INTS11: variants seen among roughly 807,000 people sequenced by gnomAD.
INTS11 encodes the protein CPSF3-like protein.
Under a neutral mutation model 78.6 loss-of-function variants are expected in INTS11, and 77 were observed. The observed-to-expected ratio is 0.98, with a 90% CI of 0.81 to 1.18. The LOEUF (loss-of-function observed/expected upper bound fraction) is 1.18. Ranked by LOEUF, INTS11 falls within the 50% of genes most tolerant of loss-of-function variation. The pLI is 0.00. For synonymous variants in INTS11, 441 were observed against 326.9 expected, an observed-to-expected ratio of 1.35 and a Z score of -3.77; for missense variants, 875 against 825.9, an observed-to-expected ratio of 1.06 and a Z score of -0.73.
chr1:1,318,747 C>T (rs1396947244), intron 4 of INTS11: 2 of 527,948 alleles, frequency 3.8e-6, no homozygotes, highest in African/African-American at 1.9e-5. Flanking sequence ...TACATAGGTA[C>T]CTAATATAGT....
rs74045438 is a variant in INTS11, at chr1:1,313,206, C to A, written c.1042-82G>T. On this transcript the variant is annotated intron_variant, in intron 10 of 16. Transcript: ENST00000435064. ...CTTGCCCGGGATGCCCCCGCCTGAA[C>A]CCCTGGAAGCTGTTTCCACCTGCCA... is the stretch of plus-strand genomic sequence containing the variant. 2.4e-3 allele frequency: 3,490 copies of A among 1,456,686 alleles called. 79 individuals are homozygous for A. The African/African-American group carries it at 0.044, about 18-fold the overall frequency. The allele number at this position is 1,456,686 out of a possible 1,614,324, so 90.2% of individuals were successfully genotyped here. A position where few individuals can be genotyped will look rare whatever the true frequency, so the allele number is the denominator to read the frequency against.
rs368160170 is a variant in INTS11 at position 1,322,752 on chromosome 1, C to CG, written c.29-1660dup. On this transcript the variant is annotated intron_variant, in intron 1 of 16. Coordinates refer to ENST00000435064, the MANE Select transcript of INTS11 (RefSeq NM_017871.6). The stretch of plus-strand genomic sequence containing the variant: ...GCAGGGTGGGTAGGGGGACCGGCGG[C>CG]GGGGGGGGTAGCCACACACAGGCCA... 985 of 227,560 alleles carry CG rather than the reference C, an allele frequency of 4.3e-3. 4 individuals carry two copies. The East Asian group carries it at 0.045, about 10-fold the overall frequency. 14.1% of individuals were successfully genotyped at this position (227,560 alleles called of 1,614,324 possible). A position where few individuals can be genotyped will look rare whatever the true frequency, so the allele number is the denominator to read the frequency against.
chr1:1,312,212 G>GCCCC lies in INTS11; in HGVS notation c.1607+13_1607+14insGGGG. The stretch of plus-strand genomic sequence containing the variant: ...GCCCAAGGGAGTGGGGGGGGGGCGG[G>GCCCC]GCCGGGCGCCCACCTCTTGAGGTGG... On this transcript the variant is annotated intron_variant, in intron 15 of 16. Coordinates refer to ENST00000435064, the MANE Select transcript of INTS11 (RefSeq NM_017871.6). 1.1e-6 allele frequency: 1 copy of GCCCC among 910,982 alleles called. No individual in the cohort carries two copies. Among genetic ancestry groups the GCCCC allele is most frequent in the East Asian group, 2.9e-5 (1 of 34,544 alleles). The allele number at this position is 910,982 out of a possible 1,614,324, so 56.4% of individuals were successfully genotyped here. A position where few individuals can be genotyped will look rare whatever the true frequency, so the allele number is the denominator to read the frequency against.
In INTS11 at chr1:1,313,537, C is replaced by CG; in HGVS notation, c.1012dup (p.Arg338ProfsTer135). On this transcript the variant is annotated frameshift_variant, in exon 10 of 17. Transcript: ENST00000435064. LOFTEE classifies it high-confidence loss of function. Reference sequence around the variant, plus strand: ...GTTCTTTTCGTTTCCGGCCCATTTCCGGAAGATCTGCAGGGACTGCCCAGC... The same window carrying CG: ...GTTCTTTTCGTTTCCGGCCCATTTCCGGGAAGATCTGCAGGGACTGCCCAGC... 6.2e-7 allele frequency: 1 copy of CG among 1,613,038 alleles called. No individual in the cohort carries two copies. Among genetic ancestry groups the CG allele is most frequent in the Non-Finnish European group, 8.5e-7 (1 of 1,180,020 alleles).
chr1:1,324,410 C>T (rs1304126646), intron 1 of INTS11, among the ~76,000 whole-genome samples, 171 bp downstream of exon 1: 1 of 152,154 alleles, frequency 6.6e-6, no homozygotes, highest in Non-Finnish European at 1.5e-5. Flanking sequence ...GCCCGGGGTG[C>T]AGGGACTAGG....
rs1418851288 is a variant in INTS11 at position 1,311,843 on chromosome 1, G to A, written c.*16C>T. 1.3e-6 allele frequency: 2 copies of A among 1,541,052 alleles called. No individual in the cohort carries two copies. The highest frequency in any genetic ancestry group is 8.7e-7 in the Non-Finnish European group (1 of 1,143,848). On this transcript the variant is annotated 3_prime_UTR_variant, in exon 17 of 17. Coordinates refer to ENST00000435064, the MANE Select transcript of INTS11 (RefSeq NM_017871.6). The stretch of plus-strand genomic sequence containing the variant: ...CTGGGAGAGGGCAGAGGTGGCGGCT[G>A]GGTGAGTTGCCGGCCTCAGCTGGGG...
At chr1:1,313,955 A>G (rs967645248) in intron 8 of INTS11, 34 bp from the exon 9 acceptor site, 9 of 1,597,222 alleles carry the variant, frequency 5.6e-6, no homozygotes, top group Non-Finnish European at 7.7e-6. Context: ...CACAGTGGCC[A>G]CAGGGGAGAA....
chr1:1,320,786 C>T (rs1187079673), intron 2 of INTS11: 10 of 713,824 alleles, frequency 1.4e-5, no homozygotes, highest in Middle Eastern at 2.3e-4. Context: ...TACAGGACCC[C>T]GGGGCTGGGG....
chr1:1,318,821 G>A, intron 4 of INTS11: 1 of 609,456 alleles, frequency 1.6e-6, no homozygotes, highest in Non-Finnish European at 3.0e-6. Flanking sequence ...CATAATCTTT[G>A]TCAGAAATGG....
At chr1:1,319,060 G>A in intron 4 of INTS11, 1 of 716,504 alleles carries the variant, frequency 1.4e-6, no homozygotes. Context: ...GGGTTCATAA[G>A]CCGGTGCATA....
Position 1,319,395 on chromosome 1 carries a change from G to A in INTS11, c.330C>T (p.Ile110=), listed in dbSNP as rs754876292. The A allele has an allele frequency of 4.3e-6, 7 of 1,613,250 alleles. No individual in the cohort carries two copies. The Admixed American group carries it at 5.0e-5, about 12-fold the overall frequency. ...CPILLEDYRK[I]AVDKKGEANF... ...TGGCCTCGCCCTTCTTGTCTACGGC[G>A]ATCTTGCGGTAGTCCTCCAGCAAGA... Residue 110 remains isoleucine (I), a synonymous_variant, in exon 4 of 17, where the codon ATC becomes ATT. Coordinates refer to ENST00000435064, the MANE Select transcript of INTS11 (RefSeq NM_017871.6).
Position 1,313,908 on chromosome 1 carries a change from G to C in INTS11, c.781C>G (p.Leu261Val), listed in dbSNP as rs147446122. The part of the protein sequence containing the change: ...LLETFWERMN[L>V]KVPIYFSTGL... ...GTGGAGAAGTAGATGGGCACCTTCA[G>C]GTTCATGCGCTCCCTGGGGACCACC... The change falls in exon 9 of 17, where the codon CTG (leucine) becomes GTG (valine). Residue 261 changes from leucine (L) to valine (V), a missense_variant. Leu to Val is a conservative substitution (Grantham distance 32, BLOSUM62 1). Transcript: ENST00000435064. 153 of 1,612,352 alleles carry C rather than the reference G, an allele frequency of 9.5e-5. No individual in the cohort carries two copies. Among genetic ancestry groups the C allele is most frequent in the Non-Finnish European group, 1.3e-4 (150 of 1,179,526 alleles).
intron 3 of INTS11, chr1:1,319,822 A>C: frequency 5.0e-6 from 2 of 398,586 alleles, no homozygotes; most frequent in South Asian, 6.3e-5. Context: ...CTTTTCAGGC[A>C]GTCAGGACAG....
chr1:1,323,279 G>C (rs1217302149), intron 1 of INTS11: 1 of 1,549,776 alleles, frequency 6.5e-7, no homozygotes, highest in East Asian at 2.4e-5. Flanking sequence ...GACAGCACAG[G>C]GCAGGCACCT....
chr1:1,315,636 G>A lies in INTS11; in HGVS notation c.430-18C>T, dbSNP rs1456662461. The A allele has an allele frequency of 1.9e-6, 3 of 1,594,638 alleles. No individual in the cohort carries two copies. The highest frequency in any genetic ancestry group is 1.1e-5 in the South Asian group (1 of 90,632). ...TCATCTACCTGTGGAGGACAGGGCT[G>A]CGCTCAGGCTGTGTCCTCACAGCAG... is the stretch of plus-strand genomic sequence containing the variant. On this transcript the variant is annotated intron_variant, in intron 4 of 16. Transcript: ENST00000435064.
chr1:1,311,898 T>A lies in INTS11; in HGVS notation c.1764A>T (p.Thr588=), dbSNP rs763983295. 1 of 1,573,578 alleles carries A rather than the reference T, an allele frequency of 6.4e-7. No individual in the cohort carries two copies. Among genetic ancestry groups the A allele is most frequent in the South Asian group, 1.2e-5 (1 of 86,566 alleles). Residue 588 remains threonine (T), a synonymous_variant, in exon 17 of 17, where the codon ACA becomes ACT. Coordinates refer to ENST00000435064, the MANE Select transcript of INTS11 (RefSeq NM_017871.6). Reference sequence around the variant, plus strand: ...GGGGGAGGCCCTTCTTCAGCAGAGATGTGAGGAAGCTCCCCAGCTCCTCGT... The same window carrying A: ...GGGGGAGGCCCTTCTTCAGCAGAGAAGTGAGGAAGCTCCCCAGCTCCTCGT... ...YQDEELGSFL[T]SLLKKGLPQA... is the part of the protein sequence containing the mutation.
rs1427093724 is a variant in INTS11, at chr1:1,313,295, A to G, written c.1042-171T>C. ...CTCAGGTTTTGGCACAAGACTGTCCAGGGCTGGGCTGGGGCTGTTCTGCCC... is the reference window on the plus strand; with the variant it reads ...CTCAGGTTTTGGCACAAGACTGTCCGGGGCTGGGCTGGGGCTGTTCTGCCC... On this transcript the variant is annotated intron_variant, in intron 10 of 16. Coordinates refer to ENST00000435064, the MANE Select transcript of INTS11 (RefSeq NM_017871.6). 3 of 915,532 alleles carry G rather than the reference A, an allele frequency of 3.3e-6. No individual in the cohort carries two copies. The African/African-American group carries it at 4.9e-5, about 15-fold the overall frequency. The allele number at this position is 915,532 out of a possible 1,614,324, so 56.7% of individuals were successfully genotyped here.
Position 1,314,348 on chromosome 1 carries a change from G to T in INTS11, c.720C>A (p.Phe240Leu). The change falls in exon 8 of 17, where the codon TTC (phenylalanine) becomes TTA (leucine). Residue 240 changes from phenylalanine (F) to leucine (L), a missense_variant. Coordinates refer to ENST00000435064, the MANE Select transcript of INTS11 (RefSeq NM_017871.6). This position sits in a 1 kb window ranked among gnomAD's most constrained non-coding sequence, Gnocchi z 4.2. ...ERGGKVLIPV[F>L]ALGRAQELCI... ...AGAGCTCCTGGGCGCGGCCCAGCGC[G>T]AACACAGGTATCAGCACCTGAGGGG... 6.2e-7 allele frequency: 1 copy of T among 1,607,646 alleles called. No homozygotes were observed. The highest frequency in any genetic ancestry group is 8.5e-7 in the Non-Finnish European group (1 of 1,177,830).
chr1:1,324,584 A>G lies in INTS11; in HGVS notation c.25T>C (p.Leu9=), dbSNP rs757704710. 5.0e-6 allele frequency: 8 copies of G among 1,594,794 alleles called. No homozygotes were observed. The South Asian group carries it at 9.0e-5, about 18-fold the overall frequency. The part of the protein sequence containing the change: MPEIRVTP[L]GAGQDVGRSC... ...CCTCCCGGCGGCTCCCACTCACCCA[A>G]GGGCGTGACTCTGATCTCAGGCATC... is the stretch of plus-strand genomic sequence containing the variant. The change falls in exon 1 of 17, where the codon TTG becomes CTG. Residue 9 remains leucine, a synonymous_variant. Coordinates refer to ENST00000435064, the MANE Select transcript of INTS11 (RefSeq NM_017871.6).
Sources: allele counts gnomAD v4.1 joint callset (sites outside exome capture counted in the v4.1 genomes callset), GRCh38; gene constraint gnomAD v4.1.1; non-coding constraint Gnocchi (gnomAD v3.1); transcripts MANE v1.5; gene names NCBI Gene and HGNC (gene_info 2026-07-23, HGNC 2026-07-21).